Variants in TMEM225B observed in about 807,000 individuals in gnomAD.
TMEM225B encodes the protein transmembrane protein 225-like.
Under a neutral mutation model 16.9 loss-of-function variants are expected in TMEM225B, and 10 were observed. The observed-to-expected ratio is 0.59, with a 90% CI of 0.36 to 1.00. The LOEUF is 1.00. TMEM225B is among the 50% of genes least tolerant of loss of function. The pLI is 0.01. For synonymous variants in TMEM225B, 92 were observed against 109.8 expected (o/e 0.84, Z 1.01); for missense variants, 217 against 267.0 (o/e 0.81, Z 1.30).
intron 2 of TMEM225B, among the ~76,000 whole-genome samples, chr7:99,604,008 G>T (rs913545527): frequency 2.0e-5 from 3 of 152,100 alleles, no homozygotes; most frequent in Non-Finnish European, 4.4e-5. Flanking sequence ...GCCTGTCTCA[G>T]CCTCCTAAAG....
chr7:99,606,879 A>C lies in TMEM225B; in HGVS notation c.340A>C (p.Ile114Leu). ...TWKQNFVLACISFFTGACAFL... is the reference protein window; with the variant it reads ...TWKQNFVLACLSFFTGACAFL... ...GAAGCAAAACTTTGTGTTAGCCTGC[A>C]TCAGCTTCTTCACAGGTGTGGAACA... is the stretch of plus-strand genomic sequence containing the variant. Residue 114 changes from isoleucine (I) to leucine (L), a missense_variant, in exon 4 of 6, where the codon ATC (isoleucine) becomes CTC (leucine). Ile to Leu is a conservative substitution (Grantham distance 5, BLOSUM62 2). Transcript: ENST00000431679. 6.5e-7 allele frequency: 1 copy of C among 1,536,146 alleles called. No individual in the cohort carries two copies.
chr7:99,605,040 CAA>C (rs1033580448), intron 3 of TMEM225B, among the ~76,000 whole-genome samples: 1 of 150,798 alleles, frequency 6.6e-6, no homozygotes, highest in African/African-American at 2.4e-5. Context: ...CAACAAAACA[CAA>C]AAAATTAACC....
chr7:99,607,565 G>C, intron 4 of TMEM225B, 108 bp from the exon 5 acceptor site: 1 of 1,123,384 alleles, frequency 8.9e-7, no homozygotes, highest in Non-Finnish European at 1.2e-6. Flanking sequence ...GTTTCAGAGA[G>C]GGGGCAAGGA....
intron 1 of TMEM225B, among the ~76,000 whole-genome samples, chr7:99,599,044 C>T (rs1805098897): frequency 6.6e-6 from 1 of 152,142 alleles, no homozygotes; most frequent in African/African-American, 2.4e-5. Flanking sequence ...ACTGCAAGCT[C>T]CGCCTCCCGG....
At position 99,608,717 on chromosome 7, in the gene TMEM225B, ATATAT is replaced by A. The variant is rs1171168714; in HGVS notation, c.493+908_493+912del. On this transcript the variant is annotated intron_variant, in intron 5 of 5. Transcript: ENST00000431679. ...ACCATGGCCAGCTAGTTAAAAAAAAATATATATATATATATATACACACACACACA... is the reference window on the plus strand; with the variant it reads ...ACCATGGCCAGCTAGTTAAAAAAAAAATATATATATATACACACACACACA... Among the ~76,000 whole-genome samples, 141 of 116,476 alleles carry A rather than the reference ATATAT, an allele frequency of 1.2e-3. 1 individual carries two copies. The highest frequency in any genetic ancestry group is 4.1e-3 in the African/African-American group (131 of 32,054). The allele number at this position is 116,476 out of a possible 152,430, so 76.4% of individuals were successfully genotyped here.
chr7:99,606,877 G>C lies in TMEM225B; in HGVS notation c.338G>C (p.Cys113Ser). ...RTWKQNFVLACISFFTGACAF... is the reference protein window; with the variant it reads ...RTWKQNFVLASISFFTGACAF... ...TGGAAGCAAAACTTTGTGTTAGCCTGCATCAGCTTCTTCACAGGTGTGGAA... is the reference window on the plus strand; with the variant it reads ...TGGAAGCAAAACTTTGTGTTAGCCTCCATCAGCTTCTTCACAGGTGTGGAA... Residue 113 changes from cysteine (C) to serine (S), a missense_variant, in exon 4 of 6, where the codon TGC (cysteine) becomes TCC (serine). Cys to Ser is a moderately radical substitution (Grantham distance 112). Coordinates refer to ENST00000431679, the MANE Select transcript of TMEM225B (RefSeq NM_001195541.3). 1 of 1,536,158 alleles carries C rather than the reference G, an allele frequency of 6.5e-7. No individual in the cohort carries two copies. Among genetic ancestry groups the C allele is most frequent in the Non-Finnish European group, 8.7e-7 (1 of 1,146,912 alleles).
intron 5 of TMEM225B, 89 bp downstream of exon 5, chr7:99,607,899 A>G (rs760083812): frequency 2.5e-5 from 34 of 1,382,528 alleles, no homozygotes; most frequent in Admixed American, 5.1e-5. Flanking sequence ...TGGATTCTCT[A>G]GAATTGCACT....
At chr7:99,598,872 C>A (rs1805083848) in intron 1 of TMEM225B, among the ~76,000 whole-genome samples, 2 of 152,324 alleles carry the variant, frequency 1.3e-5, no homozygotes, top group East Asian at 3.9e-4. Flanking sequence ...GGTCCAGGAA[C>A]CTCCTGCCAA....
At chr7:99,601,325 G>C (rs1805342568) in intron 2 of TMEM225B, among the ~76,000 whole-genome samples, 1 of 152,200 alleles carries the variant, frequency 6.6e-6, no homozygotes, top group Admixed American at 6.5e-5. Flanking sequence ...GGGTGTGGTG[G>C]TTCAAGCCTG....
chr7:99,599,515 G>A (rs1805163701), intron 1 of TMEM225B, among the ~76,000 whole-genome samples: 1 of 152,160 alleles, frequency 6.6e-6, no homozygotes, highest in South Asian at 2.1e-4. Flanking sequence ...ATGCACCACT[G>A]CACTCCAGCC....
At chr7:99,599,763 T>C (rs1805186870) in intron 1 of TMEM225B, among the ~76,000 whole-genome samples, 1 of 152,160 alleles carries the variant, frequency 6.6e-6, no homozygotes, top group African/African-American at 2.4e-5. Context: ...CTGCCGGCCA[T>C]TGGTGGCTGG....
chr7:99,609,651 G>T (rs898028382), intron 5 of TMEM225B, among the ~76,000 whole-genome samples: 4 of 151,974 alleles, frequency 2.6e-5, no homozygotes, highest in Non-Finnish European at 5.9e-5. Context: ...GGCCAGGCTG[G>T]TCTCGAACTC....
chr7:99,599,125 AT>A (rs769617190), intron 1 of TMEM225B, among the ~76,000 whole-genome samples: 13,440 of 115,558 alleles, frequency 0.12, 506 homozygotes, highest in African/African-American at 0.21. Flanking sequence ...CGCCTGGCTA[AT>A]TTTTTTTTTT....
chr7:99,598,196 C>T (rs926484748), upstream of TMEM225B: 5 of 152,248 alleles, frequency 3.3e-5, no homozygotes, highest in African/African-American at 1.2e-4. Flanking sequence ...GCTGGAGCTC[C>T]GCTCAGAGGC....
Position 99,607,800 on chromosome 7 carries a change from C to A in TMEM225B, c.483C>A (p.Phe161Leu). ...YYVLGFGIFL[F>L]IVAGTICLIQ... ...TGCTGGGCTTCGGCATCTTTCTGTTCATAGTGGCTGGTGAGTGTCCAGGGA... is the reference window on the plus strand; with the variant it reads ...TGCTGGGCTTCGGCATCTTTCTGTTAATAGTGGCTGGTGAGTGTCCAGGGA... Residue 161 changes from phenylalanine (F) to leucine (L), a missense_variant, in exon 5 of 6, where the codon TTC (phenylalanine) becomes TTA (leucine). Coordinates refer to ENST00000431679, the MANE Select transcript of TMEM225B (RefSeq NM_001195541.3). 1 of 1,536,012 alleles carries A rather than the reference C, an allele frequency of 6.5e-7. No homozygotes were observed. Among genetic ancestry groups the A allele is most frequent in the Non-Finnish European group, 8.7e-7 (1 of 1,146,830 alleles).
At chr7:99,609,778 A>G (rs1477221904) in intron 5 of TMEM225B, among the ~76,000 whole-genome samples, 1 of 152,088 alleles carries the variant, frequency 6.6e-6, no homozygotes, top group Non-Finnish European at 1.5e-5. Flanking sequence ...TCTGTCGCCC[A>G]GGCTGGAGGG....
intron 2 of TMEM225B, among the ~76,000 whole-genome samples, chr7:99,603,179 C>T (rs1400961619): frequency 1.3e-5 from 2 of 152,208 alleles, no homozygotes; most frequent in Non-Finnish European, 2.9e-5. Flanking sequence ...ACATGACCTG[C>T]TCATTTCTCA....
chr7:99,610,342 G>T (rs754388701), intron 5 of TMEM225B, 51 bp from the exon 6 acceptor site: 4 of 1,454,982 alleles, frequency 2.7e-6, no homozygotes, highest in South Asian at 1.2e-5. Context: ...CCTCTAGGGC[G>T]TGGAGCTCTG....
chr7:99,599,659 C>T (rs1036387766), intron 1 of TMEM225B, among the ~76,000 whole-genome samples: 1 of 152,182 alleles, frequency 6.6e-6, no homozygotes, highest in African/African-American at 2.4e-5. Context: ...CGTATATTCC[C>T]CCATTCTCTC....
Sources: allele counts gnomAD v4.1 joint callset (sites outside exome capture counted in the v4.1 genomes callset), GRCh38; gene constraint gnomAD v4.1.1; transcripts MANE v1.5; gene names NCBI Gene and HGNC (gene_info 2026-07-23, HGNC 2026-07-21).